THADA: variants seen among roughly 807,000 people sequenced by gnomAD.
THADA encodes the protein THADA armadillo repeat containing, also known as tRNA (32-2'-O)-methyltransferase regulator THADA.
Under a neutral mutation model 219.8 loss-of-function variants are expected in THADA, and 213 were observed. The ratio of observed to expected loss-of-function variants is 0.97; its 90% CI spans 0.87 to 1.09. The LOEUF (loss-of-function observed/expected upper bound fraction) is 1.09, where lower values mean the gene tolerates loss of function less well. Among genes scored for constraint, THADA ranks in the 50% least tolerant of loss-of-function variants. The probability of loss-of-function intolerance (pLI) is 0.00; values close to 1 mark genes in which losing one functional copy is unlikely to be tolerated. For missense variants in THADA, 2,956 were observed against 2,311.3 expected, an observed-to-expected ratio of 1.28 and a Z score of -5.72; for synonymous variants, 1,018 against 828.9, an observed-to-expected ratio of 1.23 and a Z score of -3.92.
At chr2:43,394,927 C>T (rs1375206864) in intron 29 of THADA, among the ~76,000 whole-genome samples, 1 of 152,214 alleles carries the variant, frequency 6.6e-6, no homozygotes, top group Non-Finnish European at 1.5e-5. Context: ...CCACAACAAC[C>T]CCAGGGTTCT....
intron 30 of THADA, among the ~76,000 whole-genome samples, chr2:43,322,848 G>A (rs1415590969): frequency 1.3e-5 from 2 of 151,698 alleles, no homozygotes; most frequent in Non-Finnish European, 2.9e-5. Flanking sequence ...GCCACGCCCG[G>A]CTAATTTTTT....
At chr2:43,287,137 A>G in intron 34 of THADA, 76 bp from the exon 35 acceptor site, 1 of 1,409,958 alleles carries the variant, frequency 7.1e-7, no homozygotes, top group South Asian at 1.3e-5. Flanking sequence ...GGTGACCTAC[A>G]CCAAACTGGG....
chr2:43,247,111 C>T (rs1262304258), intron 36 of THADA, among the ~76,000 whole-genome samples: 2 of 152,166 alleles, frequency 1.3e-5, no homozygotes. Context: ...GTCCACTGCC[C>T]AGAAAACTTC....
chr2:43,514,881 G>A (rs578027211), intron 22 of THADA, among the ~76,000 whole-genome samples: 5 of 58,420 alleles, frequency 8.6e-5, no homozygotes, highest in African/African-American at 1.9e-4. Context: ...TGTATAATAT[G>A]TATAATATAT....
At chr2:43,571,115 G>A (rs2104002675) in intron 13 of THADA, among the ~76,000 whole-genome samples, 1 of 152,216 alleles carries the variant, frequency 6.6e-6, no homozygotes, top group South Asian at 2.1e-4. Context: ...TATTAGTCAG[G>A]CATGGTGGTG....
intron 34 of THADA, among the ~76,000 whole-genome samples, chr2:43,291,454 C>CAAAA (rs765352765): frequency 0.029 from 237 of 8,088 alleles, 23 homozygotes; most frequent in Non-Finnish European, 0.042. Flanking sequence ...AACTCCATCT[C>CAAAA]AAAAAAAAAA....
chr2:43,320,212 T>C lies in THADA; in HGVS notation c.4438+234A>G, dbSNP rs186643791. On this transcript the variant is annotated intron_variant, in intron 31 of 37. Transcript: ENST00000405975. ...TGCAGAGAGGGTATCTGAGTAGAGT[T>C]CACTCTTCCCTGAATGACCAACTAG... Among the ~76,000 whole-genome samples, 440 of 152,314 alleles carry C rather than the reference T, an allele frequency of 2.9e-3. 1 individual carries two copies. Among genetic ancestry groups the C allele is most frequent in the Non-Finnish European group, 4.4e-3 (299 of 68,030 alleles).
intron 29 of THADA, among the ~76,000 whole-genome samples, chr2:43,375,988 G>A (rs1671335464): frequency 6.6e-6 from 1 of 152,200 alleles, no homozygotes. Flanking sequence ...AGCTGTTTCA[G>A]ACTAAAAGGG....
At chr2:43,443,229 G>A (rs1298644222) in intron 26 of THADA, among the ~76,000 whole-genome samples, 2 of 152,340 alleles carry the variant, frequency 1.3e-5, no homozygotes, top group Middle Eastern at 3.4e-3. Flanking sequence ...CCGAGTGAGT[G>A]AAGCGAAACA....
rs141500833 is a variant in THADA at position 43,444,296 on chromosome 2, G to C, written c.3837-13994C>G. Among the ~76,000 whole-genome samples, 249 of 152,244 alleles carry C rather than the reference G, an allele frequency of 1.6e-3. 1 individual carries two copies. Among genetic ancestry groups the C allele is most frequent in the African/African-American group, 5.7e-3 (236 of 41,534 alleles). On this transcript the variant is annotated intron_variant, in intron 26 of 37. Coordinates refer to ENST00000405975, the MANE Select transcript of THADA (RefSeq NM_022065.5). ...GCCATTTTAACATAGTAGTCTCTGT[G>C]TTTTACACTCTCTGTGCCTCTCCTG... is the stretch of plus-strand genomic sequence containing the variant.
intron 36 of THADA, among the ~76,000 whole-genome samples, chr2:43,268,093 C>T (rs1422219250): frequency 6.6e-6 from 1 of 152,190 alleles, no homozygotes; most frequent in Non-Finnish European, 1.5e-5. Context: ...TGATTCCCAC[C>T]TGCTGTTCTC....
intron 34 of THADA, among the ~76,000 whole-genome samples, chr2:43,291,146 A>C (rs2104362595): frequency 6.6e-6 from 1 of 151,938 alleles, no homozygotes; most frequent in Admixed American, 6.6e-5. Flanking sequence ...TTTGAACTCT[A>C]ATTAAAAAAA....
intron 29 of THADA, among the ~76,000 whole-genome samples, chr2:43,376,837 C>T (rs1399525840): frequency 6.6e-6 from 1 of 152,140 alleles, no homozygotes; most frequent in Non-Finnish European, 1.5e-5. Flanking sequence ...GGTCTGGCTC[C>T]TAAATGACTG....
chr2:43,587,362 T>C (rs1701134369), intron 4 of THADA, among the ~76,000 whole-genome samples: 1 of 152,244 alleles, frequency 6.6e-6, no homozygotes. Flanking sequence ...AATCTGGCAC[T>C]ACCATTAGCT....
chr2:43,320,836 T>A (rs573366326), intron 30 of THADA, among the ~76,000 whole-genome samples: 19 of 152,310 alleles, frequency 1.2e-4, no homozygotes, highest in Admixed American at 5.2e-4. Flanking sequence ...CCTATCTTAG[T>A]TAGTTGAAAA....
intron 25 of THADA, among the ~76,000 whole-genome samples, chr2:43,496,255 T>A (rs75123947): frequency 2.6e-5 from 4 of 152,182 alleles, no homozygotes; most frequent in African/African-American, 9.6e-5. Context: ...CTAGAAGACA[T>A]GATATAGGAA....
At chr2:43,423,945 C>A (rs1678073600) in intron 28 of THADA, among the ~76,000 whole-genome samples, 1 of 152,186 alleles carries the variant, frequency 6.6e-6, no homozygotes, top group Non-Finnish European at 1.5e-5. Context: ...ATGAATTATT[C>A]TGCTTTGTGG....
intron 29 of THADA, among the ~76,000 whole-genome samples, chr2:43,361,251 T>A (rs1480869516): frequency 2.0e-5 from 3 of 152,198 alleles, no homozygotes; most frequent in East Asian, 3.8e-4. Flanking sequence ...AATTATTTAA[T>A]CTCTTTGAGT....
intron 31 of THADA, among the ~76,000 whole-genome samples, chr2:43,314,845 C>G (rs1397719348): frequency 6.6e-6 from 1 of 152,134 alleles, no homozygotes; most frequent in Non-Finnish European, 1.5e-5. Context: ...GTTTAAAACT[C>G]AAAACAAAAC....
Sources: allele counts gnomAD v4.1 joint callset (sites outside exome capture counted in the v4.1 genomes callset), GRCh38; gene constraint gnomAD v4.1.1; transcripts MANE v1.5; gene names NCBI Gene and HGNC (gene_info 2026-07-23, HGNC 2026-07-21).